The following TARDBP variants were observed in gnomAD, a reference collection of about 807,000 sequenced individuals.
TARDBP encodes TAR DNA binding protein.
A neutral mutation model predicts 38.3 loss-of-function variants in TARDBP; 4 were observed. That is an observed-to-expected ratio of 0.10 (90% CI 0.05 to 0.24). The LOEUF is 0.24. Ranked by LOEUF, TARDBP falls within the 10% of genes least tolerant of loss-of-function variation. The probability of loss-of-function intolerance (pLI) is 1.00; values close to 1 mark genes in which losing one functional copy is unlikely to be tolerated. For synonymous variants in TARDBP, 184 were observed against 183.8 expected, an observed-to-expected ratio of 1.00 and a Z score of -0.01; for missense variants, 202 against 521.9, an observed-to-expected ratio of 0.39 and a Z score of 5.97.
rs141062245 is a variant in TARDBP at position 11,013,566 on chromosome 1, C to T, written c.-12-150C>T. 2.1e-4 allele frequency: 138 copies of T among 666,120 alleles called. 1 individual carries two copies. The highest frequency in any genetic ancestry group is 1.8e-3 in the African/African-American group (100 of 55,814). The allele number at this position is 666,120 out of a possible 1,614,324, so 41.3% of individuals were successfully genotyped here. A position where few individuals can be genotyped will look rare whatever the true frequency, so the allele number is the denominator to read the frequency against. On this transcript the variant is annotated intron_variant, in intron 1 of 5. Transcript: ENST00000240185. The stretch of plus-strand genomic sequence containing the variant: ...GAAATCACTACCCTTACCTTCACCT[C>T]GTCATTTTTCAGGGATAACCAATGC...
chr1:11,019,624 T>C (rs950130720), intron 4 of TARDBP, among the ~76,000 whole-genome samples: 1 of 152,122 alleles, frequency 6.6e-6, no homozygotes, highest in African/African-American at 2.4e-5. Flanking sequence ...TGGAGTGCAG[T>C]GGTGCAATCT....
chr1:11,026,879 C>T (rs777732467), downstream of TARDBP: 10 of 1,473,774 alleles, frequency 6.8e-6, no homozygotes, highest in East Asian at 9.8e-5. Flanking sequence ...ACTGCAGACA[C>T]GCAAGTTAAA....
Position 11,022,290 on chromosome 1 carries a change from G to A in TARDBP, c.881G>A (p.Gly294Glu), listed in dbSNP as rs80356721. The change falls in exon 6 of 6, where the codon GGG becomes GAG. Residue 294 changes from glycine (G) to glutamate (E), a missense_variant. Transcript: ENST00000240185. This position sits in a 1 kb window ranked among gnomAD's most constrained non-coding sequence, Gnocchi z 4.5. ...CAGGGTGGATTTGGTAATAGCAGAG[G>A]GGGTGGAGCTGGTTTGGGAAACAAT... Reference protein sequence around the residue: ...GNQGGFGNSRGGGAGLGNNQG... With the variant: ...GNQGGFGNSREGGAGLGNNQG... 1.9e-6 allele frequency: 3 copies of A among 1,613,980 alleles called. No individual in the cohort carries two copies. The highest frequency in any genetic ancestry group is 2.5e-6 in the Non-Finnish European group (3 of 1,179,872).
Position 11,018,970 on chromosome 1 carries a change from G to T in TARDBP, c.543+97G>T, listed in dbSNP as rs538271947. 6 of 1,556,122 alleles carry T rather than the reference G, an allele frequency of 3.9e-6. No individual in the cohort carries two copies. In the East Asian group the frequency reaches 6.7e-5, roughly 17 times the overall value. On this transcript the variant is annotated intron_variant, in intron 4 of 5. Coordinates refer to ENST00000240185, the MANE Select transcript of TARDBP (RefSeq NM_007375.4). ...CACACTTAGAAAAGATAGCGGCAGG[G>T]TGTGTTCATGAAATCCTTTTGTCTT...
rs753594465 is a variant in TARDBP at position 11,017,012 on chromosome 1, A to G, written c.402+5A>G. ...GGAGAAGTTCTTATGGTGCAGGTAA[A>G]CTTCGATTGCATCAAACAGTTTTTC... On this transcript the variant is annotated splice_donor_5th_base_variant and intron_variant, in intron 3 of 5. Transcript: ENST00000240185. The G allele has an allele frequency of 6.2e-7, 1 of 1,613,992 alleles. No homozygotes were observed. The highest frequency in any genetic ancestry group is 1.6e-4 in the Middle Eastern group (1 of 6,062).
downstream of TARDBP, chr1:11,030,491 A>C: frequency 1.7e-6 from 1 of 578,944 alleles, no homozygotes; most frequent in Admixed American, 3.4e-5. Flanking sequence ...GCTTAATGAT[A>C]AGGTGTTGAC....
At chr1:11,017,776 G>A (rs550563335) in intron 3 of TARDBP, among the ~76,000 whole-genome samples, 4 of 152,250 alleles carry the variant, frequency 2.6e-5, no homozygotes, top group Non-Finnish European at 5.9e-5. Context: ...ATCCTGTTGT[G>A]GTGGCTCATG....
downstream of TARDBP, among the ~76,000 whole-genome samples, chr1:11,028,691 T>A (rs1643781218): frequency 1.5e-5 from 2 of 137,894 alleles, no homozygotes; most frequent in African/African-American, 5.5e-5. Flanking sequence ...ATTACTATCT[T>A]TCTGGGTTTT....
chr1:11,029,934 ATTTTTTATGC>A, downstream of TARDBP: 1 of 352,512 alleles, frequency 2.8e-6, no homozygotes, highest in South Asian at 5.6e-5. Flanking sequence ...AAATCATTTA[ATTTTTTATGC>A]TTGCCTAGTT....
intron 4 of TARDBP, 37 bp from the exon 5 acceptor site, chr1:11,020,392 T>G (rs775257073): frequency 6.2e-7 from 1 of 1,613,128 alleles, no homozygotes; most frequent in East Asian, 2.2e-5. Flanking sequence ...GTTCATAACA[T>G]ATTTCTGAGT....
intron 4 of TARDBP, among the ~76,000 whole-genome samples, chr1:11,020,176 G>A (rs1048747778): frequency 7.9e-5 from 12 of 152,116 alleles, no homozygotes; most frequent in Non-Finnish European, 1.6e-4. Flanking sequence ...ATGAAATTGT[G>A]TAATGGCTCA....
chr1:11,017,845 C>T (rs959153743), intron 3 of TARDBP, among the ~76,000 whole-genome samples: 1 of 151,808 alleles, frequency 6.6e-6, no homozygotes, highest in Non-Finnish European at 1.5e-5. Flanking sequence ...GCCAGGAGTT[C>T]AAGGCCACCT....
chr1:11,027,021 C>T (rs927755023), downstream of TARDBP: 2 of 1,598,440 alleles, frequency 1.3e-6, no homozygotes, highest in Non-Finnish European at 1.7e-6. Flanking sequence ...CTCTGTTTCA[C>T]TATCTAGAAA....
intron 3 of TARDBP, chr1:11,018,447 C>A (rs1643572882): frequency 4.7e-6 from 2 of 429,944 alleles, no homozygotes; most frequent in Non-Finnish European, 8.6e-6. Flanking sequence ...CCTCAGCATC[C>A]CAAAGCACTG....
Position 11,023,567 on chromosome 1 carries a change from T to G in TARDBP, c.*913T>G, listed in dbSNP as rs1361798116. The G allele has an allele frequency of 2.4e-6, 1 of 412,796 alleles. No individual in the cohort carries two copies. Among genetic ancestry groups the G allele is most frequent in the African/African-American group, 2.0e-5 (1 of 49,564 alleles). 25.6% of individuals were successfully genotyped at this position (412,796 alleles called of 1,614,324 possible). On this transcript the variant is annotated 3_prime_UTR_variant, in exon 6 of 6. Transcript: ENST00000240185. The stretch of plus-strand genomic sequence containing the variant: ...CTTGGCGAGATGTGTCTCTCAATCC[T>G]GTGGCTTTGGTGAGAGAGTGTGCAG...
downstream of TARDBP, chr1:11,027,047 G>A (rs1436263272): frequency 1.4e-5 from 23 of 1,593,364 alleles, no homozygotes; most frequent in Middle Eastern, 1.7e-4. Flanking sequence ...GTGCCCCTCC[G>A]CTGTCACCTC....
intron 2 of TARDBP, 42 bp downstream of exon 2, chr1:11,014,007 T>A: frequency 6.3e-7 from 1 of 1,588,890 alleles, no homozygotes; most frequent in Non-Finnish European, 8.6e-7. Context: ...TGAAGTGTGT[T>A]CAGGTGTGTG....
intron 5 of TARDBP, among the ~76,000 whole-genome samples, chr1:11,021,034 T>C (rs753793311): frequency 9.9e-5 from 15 of 152,246 alleles, no homozygotes; most frequent in Admixed American, 7.2e-4. Context: ...GGCCTAGATG[T>C]TTGTGATACC....
chr1:11,018,389 G>A (rs924102127), intron 3 of TARDBP: 10 of 339,122 alleles, frequency 2.9e-5, no homozygotes, highest in African/African-American at 4.3e-5. Context: ...GGGTTTTGCT[G>A]TGTTGCCCAG....
Sources: gnomAD v4.1 joint callset for allele counts (sites outside exome capture counted in the v4.1 genomes callset) on GRCh38, gnomAD v4.1.1 for gene constraint, Gnocchi (gnomAD v3.1) non-coding constraint, MANE v1.5 for transcripts, NCBI Gene and HGNC (gene_info 2026-07-23, HGNC 2026-07-21) for gene names.